DDX19A: variants seen among roughly 807,000 people sequenced by gnomAD.
DDX19A encodes the protein DEAD-box helicase 19A, also known as ATP-dependent RNA helicase DDX19A.
Under a neutral mutation model 60.6 loss-of-function variants are expected in DDX19A, and 12 were observed. That is an observed-to-expected ratio of 0.20 (90% CI 0.13 to 0.32). The LOEUF is 0.32. DDX19A is among the 10% of genes least tolerant of loss of function. The pLI is 1.00. For synonymous variants in DDX19A, 206 were observed against 218.2 expected (o/e 0.94, Z 0.49); for missense variants, 337 against 600.6 (o/e 0.56, Z 4.59).
intron 1 of DDX19A, among the ~76,000 whole-genome samples, chr16:70,348,965 G>T (rs1284248912): frequency 6.6e-6 from 1 of 152,008 alleles, no homozygotes; most frequent in Non-Finnish European, 1.5e-5. Context: ...AAAGGGAATG[G>T]TGAGTTCAGG....
intron 4 of DDX19A, among the ~76,000 whole-genome samples, chr16:70,359,298 C>A (rs563719028): frequency 2.6e-5 from 4 of 152,306 alleles, no homozygotes; most frequent in Admixed American, 2.6e-4. Flanking sequence ...AGTGTCACAG[C>A]ATTTTCTCCC....
Position 70,365,046 on chromosome 16 carries a change from G to A in DDX19A, c.519G>A (p.Leu173=). The A allele has an allele frequency of 6.2e-7, 1 of 1,614,136 alleles. No homozygotes were observed. The highest frequency in any genetic ancestry group is 8.5e-7 in the Non-Finnish European group (1 of 1,179,996). ...TGTGCCTCTCCCCAACATATGAGCT[G>A]GCGCTTCAAACAGGAAAAGTGATTG... ...QCLCLSPTYE[L]ALQTGKVIEQ... is the part of the protein sequence containing the mutation. The change falls in exon 7 of 12, where the codon CTG becomes CTA. Residue 173 remains leucine (L), a synonymous_variant. Coordinates refer to ENST00000302243, the MANE Select transcript of DDX19A (RefSeq NM_018332.5).
chr16:70,361,398 C>T lies in DDX19A; in HGVS notation c.294-20C>T. 6.3e-7 allele frequency: 1 copy of T among 1,581,730 alleles called. No individual in the cohort carries two copies. Among genetic ancestry groups the T allele is most frequent in the Non-Finnish European group, 8.7e-7 (1 of 1,150,746 alleles). ...ATTCTAACTTCTAGGCATCCATCCT[C>T]TGTCTTCCTGGCTTCCTAGGAAACC... On this transcript the variant is annotated intron_variant, in intron 4 of 11. Coordinates refer to ENST00000302243, the MANE Select transcript of DDX19A (RefSeq NM_018332.5).
At chr16:70,359,561 A>T (rs1964310653) in intron 4 of DDX19A, among the ~76,000 whole-genome samples, 1 of 152,214 alleles carries the variant, frequency 6.6e-6, no homozygotes, top group African/African-American at 2.4e-5. Context: ...AGCTGTTTAC[A>T]TAAGAAGTTG....
In DDX19A at chr16:70,356,233, T is replaced by C; in HGVS notation, c.279T>C (p.Phe93=). The C allele has an allele frequency of 6.2e-7, 1 of 1,614,222 alleles. No homozygotes were observed. ...PNSPLYSVKS[F]EELRLKPQLL... ...CCCCTCTGTACTCGGTGAAGTCGTT[T>C]GAAGAGCTTCGGCTGTGAGTATTCG... The change falls in exon 4 of 12, where the codon TTT becomes TTC. Residue 93 remains phenylalanine, a synonymous_variant. Transcript: ENST00000302243.
At chr16:70,366,364 T>C in intron 8 of DDX19A, 102 bp downstream of exon 8, 3 of 1,520,558 alleles carry the variant, frequency 2.0e-6, no homozygotes, top group Non-Finnish European at 1.8e-6. Context: ...GTCTTGGCTC[T>C]CGTACTCTCA....
chr16:70,356,834 T>G (rs62048993), intron 4 of DDX19A: 1 of 1,226,352 alleles, frequency 8.2e-7, no homozygotes, highest in Admixed American at 3.1e-5. Context: ...CTTATTTCTC[T>G]TATACTCTTA....
intron 1 of DDX19A, among the ~76,000 whole-genome samples, chr16:70,349,256 G>A (rs1963941021): frequency 6.6e-6 from 1 of 152,182 alleles, no homozygotes; most frequent in African/African-American, 2.4e-5. Context: ...AATTGTAACA[G>A]CACATATGAA....
At chr16:70,350,828 A>C (rs542100788) in intron 2 of DDX19A, among the ~76,000 whole-genome samples, 8 of 151,800 alleles carry the variant, frequency 5.3e-5, no homozygotes, top group Admixed American at 2.6e-4. Flanking sequence ...GCTACTGTTC[A>C]TTTGATAATA....
In DDX19A at chr16:70,370,484, G is replaced by C. The variant is rs1026324396; in HGVS notation, c.1183+99G>C. On this transcript the variant is annotated intron_variant, in intron 10 of 11. Coordinates refer to ENST00000302243, the MANE Select transcript of DDX19A (RefSeq NM_018332.5). The stretch of plus-strand genomic sequence containing the variant: ...TATACAGGGAAGTCGGATGGTCTCA[G>C]GGAGATGGGTGGGGTTGGTGACACT... The C allele has an allele frequency of 2.0e-6, 3 of 1,486,566 alleles. No homozygotes were observed. In the Admixed American group the frequency reaches 7.1e-5, roughly 35 times the overall value. The allele number at this position is 1,486,566 out of a possible 1,614,324, so 92.1% of individuals were successfully genotyped here. A position where few individuals can be genotyped will look rare whatever the true frequency, so the allele number is the denominator to read the frequency against.
In DDX19A at chr16:70,356,190, T is replaced by G. The variant is rs747366110; in HGVS notation, c.236T>G (p.Leu79Arg). ...GATAACACAAACCAAGTGGAAGTCC[T>G]GCAACGGGATCCAAACTCCCCTCTG... ...LVDNTNQVEV[L>R]QRDPNSPLYS... Residue 79 changes from leucine to arginine, a missense_variant, in exon 4 of 12, where the codon CTG becomes CGG. Leu to Arg is a moderately radical substitution (Grantham distance 102). Transcript: ENST00000302243. 1.2e-6 allele frequency: 2 copies of G among 1,614,124 alleles called. No homozygotes were observed. The highest frequency in any genetic ancestry group is 1.7e-6 in the Non-Finnish European group (2 of 1,180,026).
At chr16:70,353,129 C>CTTTTTTTTTTTTTTTTTTTTTTTTT (rs1308743627) in intron 2 of DDX19A, among the ~76,000 whole-genome samples, 1 of 144,628 alleles carries the variant, frequency 6.9e-6, no homozygotes, top group African/African-American at 2.6e-5. Context: ...TTCTTTCTTT[C>CTTTTTTTTTTTTTTTTTTTTTTTTT]TTTTTTTTTT....
At chr16:70,359,583 C>T (rs1039361104) in intron 4 of DDX19A, among the ~76,000 whole-genome samples, 9 of 152,118 alleles carry the variant, frequency 5.9e-5, no homozygotes, top group East Asian at 1.9e-4. Context: ...TGTCCAGGTG[C>T]GGTGGCTCAC....
chr16:70,368,485 T>A (rs540026890), intron 9 of DDX19A, among the ~76,000 whole-genome samples: 2 of 152,108 alleles, frequency 1.3e-5, no homozygotes, highest in African/African-American at 4.8e-5. Context: ...TGCCCAGGCT[T>A]GTCTTGAACT....
At chr16:70,370,426 G>A in intron 10 of DDX19A, 41 bp downstream of exon 10, 1 of 1,593,846 alleles carries the variant, frequency 6.3e-7, no homozygotes, top group South Asian at 1.1e-5. Flanking sequence ...CCAGGCTCGG[G>A]GTCCCAGGCC....
chr16:70,369,763 C>A (rs919095364), intron 9 of DDX19A, among the ~76,000 whole-genome samples: 10 of 151,662 alleles, frequency 6.6e-5, no homozygotes, highest in Non-Finnish European at 1.0e-4. Flanking sequence ...GACTTACAGG[C>A]CTACACCACC....
At chr16:70,355,872 C>A in intron 3 of DDX19A, 1 of 592,560 alleles carries the variant, frequency 1.7e-6, no homozygotes, top group Middle Eastern at 4.5e-4. Flanking sequence ...TGAGGTGGGA[C>A]GATTGCCAGA....
chr16:70,366,608 G>A lies in DDX19A; in HGVS notation c.783-16G>A, dbSNP rs375089852. The A allele has an allele frequency of 2.0e-5, 33 of 1,614,064 alleles. No individual in the cohort carries two copies. The East Asian group carries it at 2.9e-4, about 14-fold the overall frequency. On this transcript the variant is annotated splice_polypyrimidine_tract_variant and intron_variant, in intron 8 of 11. Coordinates refer to ENST00000302243, the MANE Select transcript of DDX19A (RefSeq NM_018332.5). Reference sequence around the variant, plus strand: ...CAGGGCCACCTGGGGCCATCTACCCGGGCCTTCCCTTGCAGGATGCTGCCC... The same window carrying A: ...CAGGGCCACCTGGGGCCATCTACCCAGGCCTTCCCTTGCAGGATGCTGCCC...
At chr16:70,352,226 A>T (rs1964037359) in intron 2 of DDX19A, among the ~76,000 whole-genome samples, 2 of 150,854 alleles carry the variant, frequency 1.3e-5, no homozygotes, top group Non-Finnish European at 2.9e-5. Flanking sequence ...TTACTTTTTC[A>T]CTCAACAGTA....
Sources: allele counts gnomAD v4.1 joint callset (sites outside exome capture counted in the v4.1 genomes callset), GRCh38; gene constraint gnomAD v4.1.1; transcripts MANE v1.5; gene names NCBI Gene and HGNC (gene_info 2026-07-23, HGNC 2026-07-21).